Variants in ADCY2 observed in about 807,000 individuals in gnomAD.
ADCY2 encodes the protein adenylate cyclase 2.
In ADCY2, 31 loss-of-function variants were observed where a neutral mutation model predicts 125.2. The observed-to-expected ratio is 0.25, with a 90% CI of 0.19 to 0.33. ADCY2 has a LOEUF of 0.33. Among genes scored for constraint, ADCY2 ranks in the 10% least tolerant of loss-of-function variants. The probability of loss-of-function intolerance (pLI) is 1.00; values close to 1 mark genes in which losing one functional copy is unlikely to be tolerated. For missense variants in ADCY2, 904 were observed against 1,418.2 expected, an observed-to-expected ratio of 0.64 and a Z score of 5.82; for synonymous variants, 512 against 548.4, an observed-to-expected ratio of 0.93 and a Z score of 0.93.
chr5:7,711,797 A>G (rs866343002), intron 10 of ADCY2, among the ~76,000 whole-genome samples: 35 of 152,342 alleles, frequency 2.3e-4, no homozygotes, highest in South Asian at 1.7e-3. Flanking sequence ...CCTGTTGCAG[A>G]TTCAAAGCCA....
chr5:7,733,803 C>G (rs1742173455), intron 14 of ADCY2, among the ~76,000 whole-genome samples: 2 of 152,150 alleles, frequency 1.3e-5, no homozygotes, highest in Non-Finnish European at 2.9e-5. Flanking sequence ...ATCTTCAGCC[C>G]TTATCATTGC....
At chr5:7,469,379 A>T (rs973868553) in intron 2 of ADCY2, among the ~76,000 whole-genome samples, 2 of 151,984 alleles carry the variant, frequency 1.3e-5, no homozygotes, top group South Asian at 2.1e-4. Context: ...TGATAATCTT[A>T]ATAATATTCT....
chr5:7,456,520 A>G (rs1458856391), intron 2 of ADCY2, among the ~76,000 whole-genome samples: 2 of 152,224 alleles, frequency 1.3e-5, no homozygotes, highest in African/African-American at 2.4e-5. Context: ...CATGAATACT[A>G]TCTGAAATAT....
intron 3 of ADCY2, among the ~76,000 whole-genome samples, chr5:7,590,886 T>C (rs1736831406): frequency 6.6e-6 from 1 of 152,176 alleles, no homozygotes; most frequent in Non-Finnish European, 1.5e-5. Flanking sequence ...TATTATTTAT[T>C]TCTGTAATTG....
At chr5:7,765,471 C>T (rs1266577460) in intron 16 of ADCY2, among the ~76,000 whole-genome samples, 2 of 151,958 alleles carry the variant, frequency 1.3e-5, no homozygotes, top group Admixed American at 6.6e-5. Context: ...AAATCTACTA[C>T]GTTTCTTTGA....
intron 2 of ADCY2, among the ~76,000 whole-genome samples, chr5:7,494,573 G>A (rs944813377): frequency 6.6e-6 from 1 of 152,120 alleles, no homozygotes; most frequent in Admixed American, 6.6e-5. Flanking sequence ...TAGTGAGCAA[G>A]GTCTGGATCC....
intron 12 of ADCY2, 83 bp from the exon 13 acceptor site, chr5:7,724,462 G>T (rs1283560814): frequency 2.1e-5 from 20 of 948,296 alleles, no homozygotes; most frequent in Non-Finnish European, 2.9e-5. Flanking sequence ...AAAGAAAGAA[G>T]ATCGCAAGTC....
At position 7,720,713 on chromosome 5, in the gene ADCY2, A is replaced by G. The variant is rs1322143992; in HGVS notation, c.1703+3476A>G. On this transcript the variant is annotated intron_variant, in intron 12 of 24. Transcript: ENST00000338316. The stretch of plus-strand genomic sequence containing the variant: ...TTTCCAGCTTCATCCATGTCCCTAC[A>G]AAGGACATGAACTCATCCTTTTTTA... Among the ~76,000 whole-genome samples, 4 of 152,200 alleles carry G rather than the reference A, an allele frequency of 2.6e-5. No individual in the cohort carries two copies. In the East Asian group the frequency reaches 7.7e-4, roughly 29 times the overall value.
intron 18 of ADCY2, among the ~76,000 whole-genome samples, chr5:7,777,890 A>G (rs144298246): frequency 1.9e-3 from 293 of 152,302 alleles, no homozygotes; most frequent in African/African-American, 6.8e-3. Context: ...GTGCCATTGA[A>G]AATCCATTAG....
intron 13 of ADCY2, 115 bp downstream of exon 13, chr5:7,724,729 C>T (rs763025458): frequency 1.6e-5 from 12 of 733,850 alleles, no homozygotes; most frequent in African/African-American, 3.6e-5. Context: ...TGACTATATT[C>T]GAACTCTTTC....
intron 2 of ADCY2, among the ~76,000 whole-genome samples, chr5:7,463,661 A>G (rs1742003683): frequency 6.6e-6 from 1 of 151,978 alleles, no homozygotes; most frequent in African/African-American, 2.4e-5. Context: ...CCTGAAAAGG[A>G]ATGTGCTAAG....
Position 7,488,271 on chromosome 5 carries a change from G to C in ADCY2, c.409-32467G>C, listed in dbSNP as rs113575315. Among the ~76,000 whole-genome samples the C allele has an allele frequency of 9.9e-4, 151 of 152,164 alleles. 1 individual carries two copies. Among genetic ancestry groups the C allele is most frequent in the African/African-American group, 3.5e-3 (145 of 41,510 alleles). On this transcript the variant is annotated intron_variant, in intron 2 of 24. Coordinates refer to ENST00000338316, the MANE Select transcript of ADCY2 (RefSeq NM_020546.3). ...TTGCCGGCCACCATGTAAGACACCC[G>C]TTTGCTCTTCCTTCGTCTTCCACCA...
intron 19 of ADCY2, among the ~76,000 whole-genome samples, chr5:7,789,028 A>G (rs1252075089): frequency 6.6e-6 from 1 of 152,254 alleles, no homozygotes; most frequent in East Asian, 1.9e-4. Flanking sequence ...AATACATTAT[A>G]AAGCATGAAC....
At chr5:7,819,736 A>G (rs1034647620) in intron 23 of ADCY2, among the ~76,000 whole-genome samples, 4 of 152,228 alleles carry the variant, frequency 2.6e-5, no homozygotes, top group African/African-American at 9.7e-5. Flanking sequence ...AGGGATAGCA[A>G]AGTGGAAGAA....
At chr5:7,705,934 C>T (rs1490912165) in intron 7 of ADCY2, among the ~76,000 whole-genome samples, 1 of 152,120 alleles carries the variant, frequency 6.6e-6, no homozygotes, top group African/African-American at 2.4e-5. Flanking sequence ...TGATTCATTT[C>T]ACTACAATTC....
At position 7,695,927 on chromosome 5, in the gene ADCY2, T is replaced by C. The variant is rs866223493; in HGVS notation, c.981+64T>C. The stretch of plus-strand genomic sequence containing the variant: ...AAACTCTTGGTTTCGTTTTTCTTCA[T>C]CCACCTATCAATAGTTTACTTTTTC... On this transcript the variant is annotated intron_variant, in intron 6 of 24. Transcript: ENST00000338316. 17 of 1,080,462 alleles carry C rather than the reference T, an allele frequency of 1.6e-5. No individual in the cohort carries two copies. The Middle Eastern group carries it at 1.6e-3, about 105-fold the overall frequency. 66.9% of individuals were successfully genotyped at this position (1,080,462 alleles called of 1,614,324 possible).
chr5:7,669,828 G>T (rs1739873714), intron 4 of ADCY2, among the ~76,000 whole-genome samples: 3 of 152,174 alleles, frequency 2.0e-5, no homozygotes, highest in Non-Finnish European at 4.4e-5. Context: ...TTTGCATTTA[G>T]AAAGATACTG....
At chr5:7,602,236 A>T (rs1215313364) in intron 3 of ADCY2, among the ~76,000 whole-genome samples, 1 of 152,226 alleles carries the variant, frequency 6.6e-6, no homozygotes, top group Non-Finnish European at 1.5e-5. Flanking sequence ...TTTTGGTGGA[A>T]GAAGGGAGTC....
chr5:7,406,660 A>G (rs1186206838), intron 1 of ADCY2, among the ~76,000 whole-genome samples: 1 of 152,132 alleles, frequency 6.6e-6, no homozygotes, highest in Non-Finnish European at 1.5e-5. Flanking sequence ...TTTGAACTGA[A>G]TATTTGGATA....
Sources: allele counts gnomAD v4.1 joint callset (sites outside exome capture counted in the v4.1 genomes callset), GRCh38; gene constraint gnomAD v4.1.1; transcripts MANE v1.5; gene names NCBI Gene and HGNC (gene_info 2026-07-23, HGNC 2026-07-21).